The following IL17REL variants were observed in gnomAD, a reference collection of about 807,000 sequenced individuals.
IL17REL encodes the protein interleukin 17 receptor E like, also known as interleukin-17 receptor E-like protein.
Under a neutral mutation model 49.0 loss-of-function variants are expected in IL17REL, and 36 were observed. That is an observed-to-expected ratio of 0.73 (90% CI 0.56 to 0.97). The LOEUF (loss-of-function observed/expected upper bound fraction) is 0.97. Among genes scored for constraint, IL17REL ranks in the 50% least tolerant of loss-of-function variants. IL17REL has a pLI of 0.00. For missense variants in IL17REL, 470 were observed against 453.9 expected (o/e 1.04, Z -0.32); for synonymous variants, 206 against 192.4 (o/e 1.07, Z -0.58).
upstream of IL17REL, among the ~76,000 whole-genome samples, chr22:50,010,270 G>T (rs1032771937): frequency 1.3e-5 from 2 of 152,238 alleles, no homozygotes; most frequent in African/African-American, 4.8e-5. Context: ...CTCAAACGAG[G>T]GGCCGGCGGA....
intron 1 of IL17REL, among the ~76,000 whole-genome samples, chr22:50,001,558 C>G (rs948724717): frequency 6.6e-6 from 1 of 152,222 alleles, no homozygotes; most frequent in South Asian, 2.1e-4. Flanking sequence ...TGCTGGCAAG[C>G]TCTGTCGACT....
At chr22:50,006,625 C>A (rs2061111820) in intron 1 of IL17REL, among the ~76,000 whole-genome samples, 1 of 152,116 alleles carries the variant, frequency 6.6e-6, no homozygotes, top group African/African-American at 2.4e-5. Context: ...AACAAAACCA[C>A]CACGACAGAA....
chr22:50,007,283 CATT>C (rs1409385975), intron 1 of IL17REL, among the ~76,000 whole-genome samples: 2 of 152,108 alleles, frequency 1.3e-5, no homozygotes, highest in African/African-American at 4.8e-5. Flanking sequence ...TATGAGCTGT[CATT>C]AGCTGCAGAA....
chr22:49,998,401 G>T, intron 7 of IL17REL, 92 bp from the exon 10 acceptor site: 1 of 1,250,280 alleles, frequency 8.0e-7, no homozygotes, highest in Non-Finnish European at 1.1e-6. Context: ...TGACCACTGG[G>T]CCAGGGTCCA....
At chr22:50,010,925 C>T (rs948021409), upstream of IL17REL, among the ~76,000 whole-genome samples, 5 of 151,908 alleles carry the variant, frequency 3.3e-5, no homozygotes, top group African/African-American at 1.2e-4. Context: ...GCAGGGAACC[C>T]CCAGGGCGGC....
intron 1 of IL17REL, among the ~76,000 whole-genome samples, chr22:50,008,121 C>G (rs137862): frequency 6.6e-6 from 1 of 151,428 alleles, no homozygotes; most frequent in Admixed American, 6.6e-5. Flanking sequence ...AGAAAAAAAA[C>G]CCCAAAATGC....
chr22:49,997,385 T>G, exon 11 of IL17REL: 3 of 1,613,852 alleles, frequency 1.9e-6, no homozygotes, highest in Non-Finnish European at 2.5e-6. Context: ...GACTTCCTCC[T>G]GTGACACAGG....
chr22:49,998,216 T>A (rs776924940), exon 8 of IL17REL: 1 of 1,612,466 alleles, frequency 6.2e-7, no homozygotes, highest in South Asian at 1.1e-5. Context: ...CAGGCTCACA[T>A]GGCCACTCAC....
chr22:50,002,403 C>T (rs1212505046), intron 1 of IL17REL, among the ~76,000 whole-genome samples: 1 of 152,132 alleles, frequency 6.6e-6, no homozygotes, highest in African/African-American at 2.4e-5. Flanking sequence ...ACGGTTGAGA[C>T]CTTCCACCCA....
At chr22:50,008,325 G>A (rs1569212742) in intron 1 of IL17REL, among the ~76,000 whole-genome samples, 1 of 152,242 alleles carries the variant, frequency 6.6e-6, no homozygotes, top group Non-Finnish European at 1.5e-5. Context: ...CTTTGCTAGA[G>A]GAGACGGGGT....
intron 12 of IL17REL, 35 bp downstream of exon 14, chr22:49,996,959 G>T: frequency 1.8e-6 from 2 of 1,141,328 alleles, no homozygotes; most frequent in Non-Finnish European, 2.5e-6. Flanking sequence ...CAGTGGAGGA[G>T]ATGGCTAGGG....
chr22:50,001,087 A>G (rs1395234051), exon 2 of IL17REL: 1 of 1,584,112 alleles, frequency 6.3e-7, no homozygotes, highest in South Asian at 1.2e-5. Context: ...CTCACCATGC[A>G]GGGTGATGGA....
Position 49,997,080 on chromosome 22 carries a change from TGGG to T in IL17REL, c.975-9_975-7del. 1 of 1,569,520 alleles carries T rather than the reference TGGG, an allele frequency of 6.4e-7. No homozygotes were observed. Among genetic ancestry groups the T allele is most frequent in the Non-Finnish European group, 8.6e-7 (1 of 1,162,660 alleles). ...GGGGCGGCTGCCAGGTCACCCTGGGTGGGGGAGGGCAGGTCACAGGCAATGGGA... is the reference window on the plus strand; with the variant it reads ...GGGGCGGCTGCCAGGTCACCCTGGGTGGAGGGCAGGTCACAGGCAATGGGA... On this transcript the variant is annotated splice_polypyrimidine_tract_variant and splice_region_variant and intron_variant, in intron 11 of 12. Transcript: ENST00000341280.
upstream of IL17REL, among the ~76,000 whole-genome samples, chr22:50,010,196 T>A (rs1400955298): frequency 1.3e-5 from 2 of 152,104 alleles, no homozygotes; most frequent in African/African-American, 4.8e-5. Flanking sequence ...GTGGGCGGAG[T>A]ATACAGGCTG....
downstream of IL17REL, among the ~76,000 whole-genome samples, chr22:49,993,331 T>G (rs1241253097): frequency 6.6e-6 from 1 of 152,166 alleles, no homozygotes; most frequent in Non-Finnish European, 1.5e-5. The surrounding 1 kb of genome is among the most constrained non-coding windows in gnomAD (Gnocchi z 6.0). Context: ...CCAGTACAGG[T>G]GCTCCTGCCC....
At chr22:50,004,457 G>A (rs2061097382) in intron 1 of IL17REL, among the ~76,000 whole-genome samples, 1 of 152,102 alleles carries the variant, frequency 6.6e-6, no homozygotes, top group Admixed American at 6.5e-5. Flanking sequence ...GGGGAGTGAG[G>A]GGAGCTTTGT....
upstream of IL17REL, among the ~76,000 whole-genome samples, chr22:50,012,234 C>A (rs1245607956): frequency 2.6e-5 from 4 of 152,200 alleles, no homozygotes; most frequent in African/African-American, 4.8e-5. Flanking sequence ...AGCAGCCGAG[C>A]GGGGTGGGGT....
exon 13 of IL17REL, chr22:49,995,823 C>T: frequency 6.5e-6 from 1 of 152,912 alleles, no homozygotes; most frequent in South Asian, 2.1e-4. Flanking sequence ...GTATGACCCC[C>T]AGATCCCCCC....
exon 13 of IL17REL, chr22:49,994,548 G>A (rs1205139691): frequency 6.6e-6 from 1 of 152,362 alleles, no homozygotes; most frequent in Non-Finnish European, 1.5e-5. Context: ...AATGTTTACT[G>A]AGTGGCGGGG....
Sources: allele counts gnomAD v4.1 joint callset (sites outside exome capture counted in the v4.1 genomes callset), GRCh38; gene constraint gnomAD v4.1.1; non-coding constraint Gnocchi (gnomAD v3.1); transcripts MANE v1.5; gene names NCBI Gene and HGNC (gene_info 2026-07-23, HGNC 2026-07-21).